HEXIM2: variants seen among roughly 807,000 people sequenced by gnomAD.
The protein encoded by HEXIM2 is HEXIM P-TEFb complex subunit 2, also known as protein HEXIM2.
For missense variants in HEXIM2, 413 were observed against 390.8 expected (o/e 1.06, Z -0.48); for synonymous variants, 159 against 162.7 (o/e 0.98, Z 0.17).
intron 3 of HEXIM2, chr17:45,168,793 G>C (rs1162513183): frequency 1.8e-6 from 1 of 567,004 alleles, no homozygotes; most frequent in Non-Finnish European, 3.1e-6. Flanking sequence ...GAAACACACA[G>C]GCAAAATTCC....
rs781036132 is a variant in HEXIM2 at position 45,162,719 on chromosome 17, G to A, written c.-44-31G>A. The A allele has an allele frequency of 2.7e-5, 44 of 1,610,406 alleles. 1 individual carries two copies. The African/African-American group carries it at 3.1e-4, about 11-fold the overall frequency. On this transcript the variant is annotated intron_variant, in intron 2 of 3. Transcript: ENST00000589230. ...CCAGAGTATTCCTGACGTTCCTTCA[G>A]GATTTAGGTTTCTGTTGTTGTTCAA... is the stretch of plus-strand genomic sequence containing the variant.
chr17:45,167,186 C>T (rs566243025), intron 3 of HEXIM2, among the ~76,000 whole-genome samples: 54 of 151,396 alleles, frequency 3.6e-4, no homozygotes, highest in African/African-American at 1.3e-3. Context: ...ATTAGCCTGG[C>T]ATGGTGGTAC....
rs1169751439 is a variant in HEXIM2 at position 45,169,655 on chromosome 17, A to G, written c.707A>G (p.Gln236Arg). ...GAGGAGGAGACTAGGAGGCTGCAGC[A>G]GCTGCAGGCGTGCACCGGCCAGCAG... ...QAEEETRRLQ[Q>R]LQACTGQQSC... The change falls in exon 4 of 4, where the codon CAG (glutamine) becomes CGG (arginine). Residue 236 changes from glutamine to arginine, a missense_variant. Coordinates refer to ENST00000589230, the MANE Select transcript of HEXIM2 (RefSeq NM_001303441.2). 1 of 1,534,894 alleles carries G rather than the reference A, an allele frequency of 6.5e-7. No homozygotes were observed. The highest frequency in any genetic ancestry group is 2.0e-5 in the Admixed American group (1 of 48,884).
At chr17:45,161,360 C>T (rs989233892), upstream of HEXIM2, 16 of 193,348 alleles carry the variant, frequency 8.3e-5, no homozygotes, top group Non-Finnish European at 1.2e-4. Flanking sequence ...TCCCTGGCCC[C>T]CGGTCCCACT....
Position 45,169,616 on chromosome 17 carries a change from G to T in HEXIM2, c.668G>T (p.Arg223Leu). ...CGAGACTACCTGGAGCTGGAGAAGC[G>T]GCTGTCGCAGGCGGAGGAGGAGACT... ...LVRDYLELEK[R>L]LSQAEEETRR... The change falls in exon 4 of 4, where the codon CGG becomes CTG. Residue 223 changes from arginine (R) to leucine (L), a missense_variant. Arg to Leu is a moderately radical substitution (Grantham distance 102, BLOSUM62 -2). Transcript: ENST00000589230. The T allele has an allele frequency of 6.5e-7, 1 of 1,536,668 alleles. No homozygotes were observed.
chr17:45,163,893 G>A (rs542956031), intron 3 of HEXIM2, among the ~76,000 whole-genome samples: 3 of 151,962 alleles, frequency 2.0e-5, no homozygotes, highest in South Asian at 4.2e-4. Flanking sequence ...AGTGGCTCAC[G>A]CCTGTAATCC....
At chr17:45,166,869 C>CA (rs1480130863) in intron 3 of HEXIM2, among the ~76,000 whole-genome samples, 1 of 150,794 alleles carries the variant, frequency 6.6e-6, no homozygotes, top group African/African-American at 2.4e-5. Context: ...ACTAAAAATA[C>CA]AAAAAATTAG....
intron 3 of HEXIM2, among the ~76,000 whole-genome samples, chr17:45,164,371 C>T (rs2042783339): frequency 6.6e-6 from 1 of 152,166 alleles, no homozygotes; most frequent in South Asian, 2.1e-4. Context: ...AGGAGAATCG[C>T]TTGAAACTGG....
At chr17:45,163,313 G>A (rs1044203054) in intron 3 of HEXIM2, among the ~76,000 whole-genome samples, 3 of 115,124 alleles carry the variant, frequency 2.6e-5, no homozygotes, top group African/African-American at 1.1e-4. Context: ...GCGTCAGAGC[G>A]AGACTCCGTC....
At chr17:45,160,398 T>C (rs2042655286), upstream of HEXIM2, among the ~76,000 whole-genome samples, 1 of 151,834 alleles carries the variant, frequency 6.6e-6, no homozygotes, top group South Asian at 2.1e-4. Flanking sequence ...TACTCTGACT[T>C]TGTTTAGTCT....
chr17:45,167,690 G>A (rs545594630), intron 3 of HEXIM2, among the ~76,000 whole-genome samples: 40 of 151,196 alleles, frequency 2.6e-4, no homozygotes, highest in Non-Finnish European at 4.6e-4. Context: ...GCAGTGGCGC[G>A]ATCTCAGCTC....
In HEXIM2 at chr17:45,161,890, T is replaced by A; in HGVS notation, c.-334T>A. On this transcript the variant is annotated 5_prime_UTR_variant, in exon 1 of 4. Transcript: ENST00000589230. Reference sequence around the variant, plus strand: ...CGTCCAGGCTCTCTCTTCCCCCCCATCTTAGTGGCCTGAGCGGCTTGACCA... The same window carrying A: ...CGTCCAGGCTCTCTCTTCCCCCCCAACTTAGTGGCCTGAGCGGCTTGACCA... 2.0e-6 allele frequency: 2 copies of A among 985,388 alleles called. No homozygotes were observed. Among genetic ancestry groups the A allele is most frequent in the Non-Finnish European group, 1.2e-6 (1 of 830,120 alleles). 61.0% of individuals were successfully genotyped at this position (985,388 alleles called of 1,614,324 possible). A position where few individuals can be genotyped will look rare whatever the true frequency, so the allele number is the denominator to read the frequency against.
intron 3 of HEXIM2, among the ~76,000 whole-genome samples, chr17:45,165,523 C>G (rs1172382416): frequency 6.6e-6 from 1 of 152,028 alleles, no homozygotes; most frequent in African/African-American, 2.4e-5. Flanking sequence ...AATTCATTTC[C>G]CATCTCCCAC....
chr17:45,162,137 G>T, intron 1 of HEXIM2, 106 bp downstream of exon 1: 1 of 449,196 alleles, frequency 2.2e-6, no homozygotes, highest in Non-Finnish European at 2.9e-6. Context: ...GTAGTGCAAA[G>T]ACCTCTTTCC....
In HEXIM2 at chr17:45,169,126, G is replaced by A. The variant is rs777924513; in HGVS notation, c.178G>A (p.Gly60Arg). 7 of 1,613,900 alleles carry A rather than the reference G, an allele frequency of 4.3e-6. No homozygotes were observed. The highest frequency in any genetic ancestry group is 1.3e-5 in the African/African-American group (1 of 74,942). ...CCACTCAGAGGATGAAGATCTTGCT[G>A]GGGCTGTCGGTGGCCTGGGCTGGAA... ...ESHSEDEDLA[G>R]AVGGLGWNSR... The change falls in exon 4 of 4, where the codon GGG becomes AGG. Residue 60 changes from glycine (G) to arginine (R), a missense_variant. Gly to Arg is a moderately radical substitution (Grantham distance 125, BLOSUM62 -2). Transcript: ENST00000589230.
upstream of HEXIM2, chr17:45,160,928 C>T (rs1246769209): frequency 7.8e-7 from 1 of 1,289,702 alleles, no homozygotes; most frequent in East Asian, 5.5e-5. Flanking sequence ...CGAGATGGCG[C>T]TTTGGTGTAA....
At chr17:45,163,555 G>C (rs2042761801) in intron 3 of HEXIM2, among the ~76,000 whole-genome samples, 1 of 152,198 alleles carries the variant, frequency 6.6e-6, no homozygotes, top group Non-Finnish European at 1.5e-5. Flanking sequence ...ATTTTGTCCA[G>C]GCTAAGAACC....
chr17:45,161,005 G>A (rs1300989564), upstream of HEXIM2: 18 of 1,257,964 alleles, frequency 1.4e-5, no homozygotes, highest in Non-Finnish European at 1.9e-5. Context: ...ACGCCGACTT[G>A]TGGCCAGACC....
intron 3 of HEXIM2, 122 bp downstream of exon 3, chr17:45,162,981 C>T (rs953305565): frequency 5.7e-6 from 4 of 696,220 alleles, no homozygotes; most frequent in Non-Finnish European, 1.0e-5. Context: ...CGAATCAGTA[C>T]TATGCACTAG....
Sources: gnomAD v4.1 joint callset for allele counts (sites outside exome capture counted in the v4.1 genomes callset) on GRCh38, gnomAD v4.1.1 for gene constraint, MANE v1.5 for transcripts, NCBI Gene and HGNC (gene_info 2026-07-23, HGNC 2026-07-21) for gene names.